Variants in ADGRG1 observed in about 807,000 individuals in gnomAD.
The protein encoded by ADGRG1 is 7-transmembrane protein with no EGF-like N-terminal domains-1.
In ADGRG1, 53 loss-of-function variants were observed where a neutral mutation model predicts 73.5. That is an observed-to-expected ratio of 0.72 (90% CI 0.58 to 0.91). ADGRG1 has a LOEUF of 0.91. Among genes scored for constraint, ADGRG1 ranks in the 40% least tolerant of loss-of-function variants. ADGRG1 has a pLI of 0.00. For missense variants in ADGRG1, 795 were observed against 871.8 expected (o/e 0.91, Z 1.11); for synonymous variants, 394 against 374.4 (o/e 1.05, Z -0.60).
intron 1 of ADGRG1, chr16:57,630,383 G>A: frequency 1.0e-6 from 1 of 983,742 alleles, no homozygotes; most frequent in Non-Finnish European, 1.2e-6. Flanking sequence ...CTTTGCTGCA[G>A]GGACCCGAGA....
chr16:57,663,719 C>A lies in ADGRG1; in HGVS notation c.*137C>A. 1.0e-6 allele frequency: 1 copy of A among 974,284 alleles called. No homozygotes were observed. Among genetic ancestry groups the A allele is most frequent in the Non-Finnish European group, 1.6e-6 (1 of 635,472 alleles). 60.4% of individuals were successfully genotyped at this position (974,284 alleles called of 1,614,324 possible). ...AGCCCAACGACCATGGAGAGATGGG[C>A]CGTTGCCATGGTGGACGGACTCCCG... On this transcript the variant is annotated 3_prime_UTR_variant, in exon 14 of 14. Transcript: ENST00000562631.
intron 1 of ADGRG1, chr16:57,629,293 C>A: frequency 2.7e-6 from 1 of 375,992 alleles, no homozygotes; most frequent in Non-Finnish European, 3.7e-6. Flanking sequence ...GGGAGCGACA[C>A]CTCCCGGGGC....
chr16:57,655,320 TG>T, intron 5 of ADGRG1, 78 bp from the exon 6 acceptor site: 1 of 855,730 alleles, frequency 1.2e-6, no homozygotes, highest in Non-Finnish European at 1.6e-6. Context: ...AACGGATGGG[TG>T]TGTGTGTGTG....
In ADGRG1 at chr16:57,630,869, C is replaced by T. The variant is rs147972997; in HGVS notation, c.-36+2067C>T. The T allele has an allele frequency of 6.4e-5, 50 of 785,470 alleles. No individual in the cohort carries two copies. The South Asian group carries it at 1.4e-3, about 22-fold the overall frequency. 48.7% of individuals were successfully genotyped at this position (785,470 alleles called of 1,614,324 possible). On this transcript the variant is annotated intron_variant, in intron 1 of 13. Transcript: ENST00000562631. ...ACTACTTAGGAAAACATTTGGGGAA[C>T]GATACAAGCTGGGGACCACGGGGAG...
intron 1 of ADGRG1, chr16:57,633,574 T>C (rs1323303428): frequency 2.2e-6 from 2 of 913,496 alleles, no homozygotes; most frequent in Non-Finnish European, 2.6e-6. Flanking sequence ...TGCCTGATTC[T>C]GTCCCAGCTC....
rs2148425917 is a variant in ADGRG1 at position 57,655,968 on chromosome 16, C to T, written c.993C>T (p.Leu331=). 1 of 1,614,014 alleles carries T rather than the reference C, an allele frequency of 6.2e-7. No individual in the cohort carries two copies. The highest frequency in any genetic ancestry group is 8.5e-7 in the Non-Finnish European group (1 of 1,179,978). ...CCAACCTCACGGAGCCCGTGGTGCT[C>T]ACTTTCCAGCACCAGCTACAGCCGG... ...KVANLTEPVV[L]TFQHQLQPKN... is the part of the protein sequence containing the mutation. Residue 331 remains leucine (L), a synonymous_variant, in exon 7 of 14, where the codon CTC becomes CTT. Transcript: ENST00000562631.
chr16:57,633,061 C>T (rs1224535488), intron 1 of ADGRG1: 1 of 631,226 alleles, frequency 1.6e-6, no homozygotes, highest in African/African-American at 2.0e-5. Flanking sequence ...GCTCAAGGCC[C>T]ATGGGGGAAA....
chr16:57,656,491 G>A lies in ADGRG1; in HGVS notation c.1064-23G>A, dbSNP rs755833717. Reference sequence around the variant, plus strand: ...TCCTGGAGGACTGGACTTGATTGGAGCCCCGTGCTGTCCCCTCCTCAGTGA... The same window carrying A: ...TCCTGGAGGACTGGACTTGATTGGAACCCCGTGCTGTCCCCTCCTCAGTGA... On this transcript the variant is annotated intron_variant, in intron 8 of 13. Coordinates refer to ENST00000562631, the MANE Select transcript of ADGRG1 (RefSeq NM_201525.4). 3.1e-6 allele frequency: 5 copies of A among 1,592,802 alleles called. 1 individual carries two copies. In the South Asian group the frequency reaches 4.4e-5, roughly 14 times the overall value.
At chr16:57,644,989 C>A in intron 1 of ADGRG1, 2 of 827,110 alleles carry the variant, frequency 2.4e-6, no homozygotes, top group Non-Finnish European at 2.9e-6. Flanking sequence ...CCCCCATGCA[C>A]ACACACATGC....
rs2148422518 is a variant in ADGRG1, at chr16:57,655,867, T to C, written c.901-9T>C. ...TCCCTACTCTCTTCCTCCAACCCCATGTATCTAGGACAAGAATTCCAGCCA... is the reference window on the plus strand; with the variant it reads ...TCCCTACTCTCTTCCTCCAACCCCACGTATCTAGGACAAGAATTCCAGCCA... On this transcript the variant is annotated splice_polypyrimidine_tract_variant and intron_variant, in intron 6 of 13. Coordinates refer to ENST00000562631, the MANE Select transcript of ADGRG1 (RefSeq NM_201525.4). The C allele has an allele frequency of 3.7e-6, 6 of 1,614,092 alleles. No homozygotes were observed. Among genetic ancestry groups the C allele is most frequent in the Non-Finnish European group, 5.1e-6 (6 of 1,179,980 alleles).
intron 7 of ADGRG1, 82 bp from the exon 8 acceptor site, chr16:57,656,144 T>G: frequency 6.2e-7 from 1 of 1,613,626 alleles, no homozygotes; most frequent in East Asian, 2.2e-5. Flanking sequence ...TTGACTGTGT[T>G]CTAGACTTCC....
chr16:57,625,034 C>T (rs2035563245), upstream of ADGRG1, among the ~76,000 whole-genome samples: 1 of 152,098 alleles, frequency 6.6e-6, no homozygotes, highest in Non-Finnish European at 1.5e-5. Flanking sequence ...TGGCCTGAAC[C>T]CAGAGTCTGT....
chr16:57,657,493 T>G lies in ADGRG1; in HGVS notation c.1286+2T>G. 1.9e-6 allele frequency: 3 copies of G among 1,608,354 alleles called. No individual in the cohort carries two copies. The highest frequency in any genetic ancestry group is 2.6e-6 in the Non-Finnish European group (3 of 1,174,948). ...CATTGCCGCCTACCTCTGCTCCAGG[T>G]GAGGCCTGAAAGGGGTGGGACAGGG... On this transcript the variant is annotated splice_donor_variant, in intron 10 of 13. Transcript: ENST00000562631. LOFTEE classifies it high-confidence loss of function.
At chr16:57,650,709 C>CTTT (rs533496874) in intron 2 of ADGRG1, among the ~76,000 whole-genome samples, 1,928 of 128,934 alleles carry the variant, frequency 0.015, 97 homozygotes, top group African/African-American at 0.042. Flanking sequence ...TCAGTTTCCT[C>CTTT]TTTTTTTTTT....
chr16:57,637,825 C>A, intron 1 of ADGRG1: 2 of 465,076 alleles, frequency 4.3e-6, no homozygotes, highest in Non-Finnish European at 5.6e-6. Flanking sequence ...GAAATCATCC[C>A]AAAGCCCCTT....
chr16:57,632,456 T>C (rs2038224195), intron 1 of ADGRG1: 2 of 441,292 alleles, frequency 4.5e-6, no homozygotes, highest in Admixed American at 1.3e-4. Flanking sequence ...GGAAAGCATA[T>C]GGGAAAGTGC....
At chr16:57,653,740 C>T (rs2044736086) in intron 4 of ADGRG1, 10 of 908,476 alleles carry the variant, frequency 1.1e-5, no homozygotes, top group Non-Finnish European at 1.3e-5. Flanking sequence ...TCCCTTGGCT[C>T]CCAGGTCCTG....
At chr16:57,626,236 C>A (rs544854321), upstream of ADGRG1, among the ~76,000 whole-genome samples, 16 of 152,258 alleles carry the variant, frequency 1.1e-4, no homozygotes, top group South Asian at 3.3e-3. Context: ...GGTACCCAAC[C>A]CACAGGGTTG....
intron 1 of ADGRG1, chr16:57,637,136 G>A: frequency 5.6e-6 from 1 of 177,890 alleles, no homozygotes; most frequent in Non-Finnish European, 1.1e-5. Context: ...TAAGGCTGGG[G>A]GACGGGAGTA....
Sources: allele counts gnomAD v4.1 joint callset (sites outside exome capture counted in the v4.1 genomes callset), GRCh38; gene constraint gnomAD v4.1.1; transcripts MANE v1.5; gene names NCBI Gene and HGNC (gene_info 2026-07-23, HGNC 2026-07-21).